The following NCR2 variants were observed in gnomAD, a reference collection of about 807,000 sequenced individuals.
The protein encoded by NCR2 is natural cytotoxicity triggering receptor 2, also known as NK cell activating receptor (NKp44).
A neutral mutation model predicts 30.7 loss-of-function variants in NCR2; 35 were observed. The ratio of observed to expected loss-of-function variants is 1.14; its 90% CI spans 0.87 to 1.51. The LOEUF (loss-of-function observed/expected upper bound fraction) is 1.51, where lower values mean the gene tolerates loss of function less well. NCR2 is among the 40% of genes most tolerant of loss of function. NCR2 has a pLI of 0.00. For synonymous variants in NCR2, 146 were observed against 134.8 expected (o/e 1.08, Z -0.58); for missense variants, 316 against 328.9 (o/e 0.96, Z 0.30).
rs1222267810 is a variant in NCR2, at chr6:41,336,191, G to C, written c.157G>C (p.Gly53Arg). Reference sequence around the variant, plus strand: ...CACGGGCAGTCTCTACGAGAAGAAAGGCTGGTGTAAGGAGGCTTCAGCACT... The same window carrying C: ...CACGGGCAGTCTCTACGAGAAGAAACGCTGGTGTAAGGAGGCTTCAGCACT... Reference protein sequence around the residue: ...PPTGSLYEKKGWCKEASALVC... With the variant: ...PPTGSLYEKKRWCKEASALVC... Residue 53 changes from glycine to arginine, a missense_variant, in exon 2 of 5, where the codon GGC becomes CGC. Transcript: ENST00000373089. 1.9e-6 allele frequency: 3 copies of C among 1,614,092 alleles called. No individual in the cohort carries two copies. The African/African-American group carries it at 4.0e-5, about 22-fold the overall frequency.
intron 4 of NCR2, among the ~76,000 whole-genome samples, chr6:41,344,120 T>C (rs1769244859): frequency 6.6e-6 from 1 of 152,110 alleles, no homozygotes; most frequent in Non-Finnish European, 1.5e-5. Flanking sequence ...CCTAGATTGT[T>C]CCCCTGATAT....
rs370338268 is a variant in NCR2 at position 41,335,953 on chromosome 6, A to G, written c.52+25A>G. 4.5e-5 allele frequency: 71 copies of G among 1,573,566 alleles called. No homozygotes were observed. The African/African-American group carries it at 8.4e-4, about 19-fold the overall frequency. Reference sequence around the variant, plus strand: ...GGTGAGGGGGAGGAGGAGCCCAGGGAGCAGAGGAGATGGGTGTGGTGGGGA... The same window carrying G: ...GGTGAGGGGGAGGAGGAGCCCAGGGGGCAGAGGAGATGGGTGTGGTGGGGA... On this transcript the variant is annotated intron_variant, in intron 1 of 4. Coordinates refer to ENST00000373089, the MANE Select transcript of NCR2 (RefSeq NM_004828.4).
At chr6:41,347,525 C>A (rs979489197) in intron 4 of NCR2, among the ~76,000 whole-genome samples, 1 of 152,230 alleles carries the variant, frequency 6.6e-6, no homozygotes, top group Non-Finnish European at 1.5e-5. Flanking sequence ...GCAGCCAATG[C>A]TGAAATCTCC....
At chr6:41,336,459 G>A in intron 2 of NCR2, 31 bp downstream of exon 2, 1 of 1,575,252 alleles carries the variant, frequency 6.3e-7, no homozygotes, top group African/African-American at 1.3e-5. Context: ...CCTCAGAGGG[G>A]TGCCCCTCAC....
chr6:41,336,707 G>T (rs961028023), intron 2 of NCR2, among the ~76,000 whole-genome samples: 1 of 152,136 alleles, frequency 6.6e-6, no homozygotes, highest in Non-Finnish European at 1.5e-5. Flanking sequence ...TGCTACAGGA[G>T]GGCAGGACCA....
chr6:41,336,515 C>T, intron 2 of NCR2, 87 bp downstream of exon 2: 3 of 1,061,410 alleles, frequency 2.8e-6, no homozygotes, highest in Non-Finnish European at 4.2e-6. Flanking sequence ...ATCGTGGAAG[C>T]CACCCATGCC....
At chr6:41,350,262 C>A (rs1027211280) in intron 4 of NCR2, among the ~76,000 whole-genome samples, 1 of 152,084 alleles carries the variant, frequency 6.6e-6, no homozygotes, top group African/African-American at 2.4e-5. Flanking sequence ...AGGAGAACAC[C>A]CAACAAAGGC....
Position 41,336,866 on chromosome 6 carries a change from A to G in NCR2, c.394+438A>G, listed in dbSNP as rs186950456. On this transcript the variant is annotated intron_variant, in intron 2 of 4. Transcript: ENST00000373089. ...CCAGATCGGGGACTAAGAATGAGTG[A>G]AAAAAACTAAGAATGAGTGAAAAAA... Among the ~76,000 whole-genome samples, 4 of 151,786 alleles carry G rather than the reference A, an allele frequency of 2.6e-5. No individual in the cohort carries two copies. The East Asian group carries it at 7.8e-4, about 30-fold the overall frequency.
At chr6:41,339,913 T>A (rs1769128825) in intron 2 of NCR2, among the ~76,000 whole-genome samples, 1 of 152,236 alleles carries the variant, frequency 6.6e-6, no homozygotes, top group Non-Finnish European at 1.5e-5. Context: ...TCTGGCTTAC[T>A]GTCACTGCCA....
At position 41,336,182 on chromosome 6, in the gene NCR2, G is replaced by A. The variant is rs1027529410; in HGVS notation, c.148G>A (p.Glu50Lys). 21 of 1,614,054 alleles carry A rather than the reference G, an allele frequency of 1.3e-5. No homozygotes were observed. The highest frequency in any genetic ancestry group is 2.7e-5 in the African/African-American group (2 of 74,930). The change falls in exon 2 of 5, where the codon GAG (glutamate) becomes AAG (lysine). Residue 50 changes from glutamate to lysine, a missense_variant. Coordinates refer to ENST00000373089, the MANE Select transcript of NCR2 (RefSeq NM_004828.4). ...GTACCCGCCCACGGGCAGTCTCTACGAGAAGAAAGGCTGGTGTAAGGAGGC... is the reference window on the plus strand; with the variant it reads ...GTACCCGCCCACGGGCAGTCTCTACAAGAAGAAAGGCTGGTGTAAGGAGGC... ...CQYPPTGSLYEKKGWCKEASA... is the reference protein window; with the variant it reads ...CQYPPTGSLYKKKGWCKEASA...
At chr6:41,337,957 C>T (rs1769076924) in intron 2 of NCR2, among the ~76,000 whole-genome samples, 3 of 152,172 alleles carry the variant, frequency 2.0e-5, no homozygotes, top group African/African-American at 7.2e-5. Context: ...AATGTTTTCC[C>T]ATGAGCACTT....
chr6:41,347,413 C>G (rs1458852074), intron 4 of NCR2, among the ~76,000 whole-genome samples: 1 of 152,216 alleles, frequency 6.6e-6, no homozygotes, highest in Non-Finnish European at 1.5e-5. Context: ...CACCATCAGC[C>G]TCCAAAATTC....
chr6:41,343,877 G>C (rs1388607726), intron 4 of NCR2, among the ~76,000 whole-genome samples: 2 of 152,100 alleles, frequency 1.3e-5, no homozygotes, highest in Non-Finnish European at 2.9e-5. Context: ...GTTGGGCCTA[G>C]TGCAGGAGCT....
At chr6:41,345,535 G>A (rs1203870792) in intron 4 of NCR2, among the ~76,000 whole-genome samples, 2 of 152,038 alleles carry the variant, frequency 1.3e-5, no homozygotes, top group East Asian at 1.9e-4. Flanking sequence ...CCGCCACCAA[G>A]GGCAGGAGCA....
intron 4 of NCR2, among the ~76,000 whole-genome samples, chr6:41,345,298 G>T (rs1048239513): frequency 6.6e-6 from 1 of 151,992 alleles, no homozygotes; most frequent in African/African-American, 2.4e-5. Context: ...CCAACTTTCT[G>T]GGGTTCCAAG....
In NCR2 at chr6:41,336,194, T is replaced by A. The variant is rs1464481417; in HGVS notation, c.160T>A (p.Trp54Arg). ...GGGCAGTCTCTACGAGAAGAAAGGCTGGTGTAAGGAGGCTTCAGCACTTGT... is the reference window on the plus strand; with the variant it reads ...GGGCAGTCTCTACGAGAAGAAAGGCAGGTGTAAGGAGGCTTCAGCACTTGT... ...PTGSLYEKKGWCKEASALVCI... is the reference protein window; with the variant it reads ...PTGSLYEKKGRCKEASALVCI... The change falls in exon 2 of 5, where the codon TGG becomes AGG. Residue 54 changes from tryptophan (W) to arginine (R), a missense_variant. Coordinates refer to ENST00000373089, the MANE Select transcript of NCR2 (RefSeq NM_004828.4). 2.5e-6 allele frequency: 4 copies of A among 1,614,158 alleles called. No individual in the cohort carries two copies. The highest frequency in any genetic ancestry group is 2.5e-6 in the Non-Finnish European group (3 of 1,180,028).
intron 2 of NCR2, among the ~76,000 whole-genome samples, chr6:41,338,637 A>G (rs919307825): frequency 1.3e-5 from 2 of 152,236 alleles, no homozygotes; most frequent in Non-Finnish European, 2.9e-5. Context: ...CCTTCATATC[A>G]TTGTGTTCAA....
chr6:41,345,155 GCTAACCTACT>G (rs1438833670), intron 4 of NCR2, among the ~76,000 whole-genome samples: 1 of 152,150 alleles, frequency 6.6e-6, no homozygotes, highest in East Asian at 1.9e-4. Flanking sequence ...GATGTGGGCA[GCTAACCTACT>G]CTCAGTCTCA....
intron 2 of NCR2, among the ~76,000 whole-genome samples, chr6:41,340,944 C>T (rs1049350483): frequency 6.6e-6 from 1 of 152,128 alleles, no homozygotes; most frequent in Non-Finnish European, 1.5e-5. Context: ...CGAGGAATGA[C>T]TCAGCCTCAG....
Sources: gnomAD v4.1 joint callset for allele counts (sites outside exome capture counted in the v4.1 genomes callset) on GRCh38, gnomAD v4.1.1 for gene constraint, MANE v1.5 for transcripts, NCBI Gene and HGNC (gene_info 2026-07-23, HGNC 2026-07-21) for gene names.